Variants in LDB2 observed in about 807,000 individuals in gnomAD.
LDB2 encodes the protein LIM domain-binding protein 2.
In LDB2, 12 loss-of-function variants were observed where a neutral mutation model predicts 44.3. The observed-to-expected ratio is 0.27, with a 90% CI of 0.17 to 0.44. LDB2 has a LOEUF of 0.44. Among genes scored for constraint, LDB2 ranks in the 20% least tolerant of loss-of-function variants. LDB2 has a pLI of 1.00. For synonymous variants in LDB2, 164 were observed against 174.8 expected (o/e 0.94, Z 0.49); for missense variants, 344 against 473.5 (o/e 0.73, Z 2.54).
At chr4:16,649,771 T>C (rs1437002332) in intron 2 of LDB2, among the ~76,000 whole-genome samples, 1 of 152,234 alleles carries the variant, frequency 6.6e-6, no homozygotes, top group Non-Finnish European at 1.5e-5. Context: ...ATGATCCTTA[T>C]TGACAGAACT....
chr4:16,638,328 T>TG, intron 2 of LDB2, among the ~76,000 whole-genome samples: 1 of 152,330 alleles, frequency 6.6e-6, no homozygotes, highest in African/African-American at 2.4e-5. Flanking sequence ...CTGTAACTGA[T>TG]GCATGTTTCT....
At chr4:16,594,981 G>T (rs1720402332) in intron 3 of LDB2, among the ~76,000 whole-genome samples, 1 of 152,202 alleles carries the variant, frequency 6.6e-6, no homozygotes, top group Non-Finnish European at 1.5e-5. Flanking sequence ...TAGTGTTCCA[G>T]AAAGGTCTTT....
intron 5 of LDB2, among the ~76,000 whole-genome samples, chr4:16,572,364 C>T (rs1577868323): frequency 2.0e-5 from 3 of 152,252 alleles, no homozygotes; most frequent in South Asian, 2.1e-4. Context: ...CCCACCTTAC[C>T]GTCTGTCTTG....
At chr4:16,873,138 C>G (rs1388821118) in intron 1 of LDB2, among the ~76,000 whole-genome samples, 1 of 152,128 alleles carries the variant, frequency 6.6e-6, no homozygotes, top group Non-Finnish European at 1.5e-5. Flanking sequence ...GAATATTTAG[C>G]CCAGGGTGCT....
At chr4:16,603,852 A>G (rs1723217762) in intron 2 of LDB2, among the ~76,000 whole-genome samples, 1 of 152,182 alleles carries the variant, frequency 6.6e-6, no homozygotes, top group African/African-American at 2.4e-5. Context: ...TTTATCTTTA[A>G]GAAATTCCAT....
chr4:16,825,665 G>A (rs1203517732), intron 1 of LDB2, among the ~76,000 whole-genome samples: 1 of 152,008 alleles, frequency 6.6e-6, no homozygotes, highest in Non-Finnish European at 1.5e-5. Context: ...CAATAGGTGG[G>A]ACTTCATGAA....
chr4:16,782,883 T>A (rs959258676), intron 1 of LDB2, among the ~76,000 whole-genome samples: 1 of 152,008 alleles, frequency 6.6e-6, no homozygotes, highest in Admixed American at 6.6e-5. Flanking sequence ...GACAAACATG[T>A]GGGTGTATTA....
intron 1 of LDB2, among the ~76,000 whole-genome samples, chr4:16,847,130 T>C (rs1787179429): frequency 6.6e-6 from 1 of 152,222 alleles, no homozygotes; most frequent in Admixed American, 6.5e-5. Flanking sequence ...CCCGTAATTG[T>C]TTTTATGGCA....
intron 2 of LDB2, among the ~76,000 whole-genome samples, chr4:16,637,299 A>ATGTT (rs1733859876): frequency 1.2e-5 from 1 of 85,482 alleles, no homozygotes; most frequent in Non-Finnish European, 2.0e-5. Context: ...GCCTAGGCTG[A>ATGTT]TTTTTTTTTT....
intron 2 of LDB2, among the ~76,000 whole-genome samples, chr4:16,716,291 C>T (rs1194771581): frequency 6.6e-6 from 1 of 152,066 alleles, no homozygotes; most frequent in Non-Finnish European, 1.5e-5. Context: ...GTGGGAGCTT[C>T]AAAGAGCTGG....
intron 5 of LDB2, among the ~76,000 whole-genome samples, chr4:16,543,127 A>G (rs1209976550): frequency 6.6e-6 from 1 of 152,064 alleles, no homozygotes; most frequent in Non-Finnish European, 1.5e-5. Flanking sequence ...GCTGCATAGT[A>G]TTCCATGGTG....
At chr4:16,609,177 G>C (rs193054286) in intron 2 of LDB2, among the ~76,000 whole-genome samples, 63 of 152,254 alleles carry the variant, frequency 4.1e-4, no homozygotes, top group African/African-American at 1.5e-3. Flanking sequence ...AGCCAAGGGA[G>C]ATGGTAAATG....
intron 2 of LDB2, among the ~76,000 whole-genome samples, chr4:16,650,301 G>T (rs377686155): frequency 1.1e-4 from 17 of 152,156 alleles, no homozygotes; most frequent in African/African-American, 3.6e-4. Context: ...CTTAGCATTG[G>T]GTCAGTAGCA....
At chr4:16,679,367 T>A (rs1345364176) in intron 2 of LDB2, among the ~76,000 whole-genome samples, 5 of 151,846 alleles carry the variant, frequency 3.3e-5, no homozygotes, top group African/African-American at 1.2e-4. Context: ...CTTTTCTGAG[T>A]TGACAGTAAA....
chr4:16,574,733 G>A (rs1462425636), intron 5 of LDB2, among the ~76,000 whole-genome samples: 1 of 152,170 alleles, frequency 6.6e-6, no homozygotes, highest in East Asian at 1.9e-4. Flanking sequence ...AAGTACAGGA[G>A]GAGACTGGCA....
intron 1 of LDB2, among the ~76,000 whole-genome samples, chr4:16,781,430 C>T (rs1773204125): frequency 6.6e-6 from 1 of 152,090 alleles, no homozygotes; most frequent in African/African-American, 2.4e-5. Flanking sequence ...CAGATGAGTA[C>T]GAGCCCTCAG....
chr4:16,656,190 G>T (rs1291854398), intron 2 of LDB2, among the ~76,000 whole-genome samples: 4 of 152,098 alleles, frequency 2.6e-5, no homozygotes, highest in African/African-American at 9.7e-5. Context: ...GTGAGCCACC[G>T]CACCTGGCCC....
intron 2 of LDB2, among the ~76,000 whole-genome samples, chr4:16,746,242 T>G (rs981277985): frequency 6.6e-6 from 1 of 152,256 alleles, no homozygotes; most frequent in Non-Finnish European, 1.5e-5. Flanking sequence ...ATGTTTATCA[T>G]TTTAACTTAT....
At chr4:16,586,540 CACACACACACAT>C (rs1439477689) in intron 4 of LDB2, among the ~76,000 whole-genome samples, 72 of 134,426 alleles carry the variant, frequency 5.4e-4, no homozygotes, top group Non-Finnish European at 5.7e-4. Flanking sequence ...CACACACACA[CACACACACACAT>C]ATATATGGAG....
Sources: gnomAD v4.1 joint callset for allele counts (sites outside exome capture counted in the v4.1 genomes callset) on GRCh38, gnomAD v4.1.1 for gene constraint, MANE v1.5 for transcripts, NCBI Gene and HGNC (gene_info 2026-07-23, HGNC 2026-07-21) for gene names.